IL31RA: variants seen among roughly 807,000 people sequenced by gnomAD.
The protein encoded by IL31RA is interleukin-31 receptor subunit alpha.
Under a neutral mutation model 83.7 loss-of-function variants are expected in IL31RA, and 66 were observed. The observed-to-expected ratio is 0.79, with a 90% CI of 0.65 to 0.97. The LOEUF is 0.97. IL31RA is among the 50% of genes least tolerant of loss of function. The pLI is 0.00. For synonymous variants in IL31RA, 325 were observed against 329.0 expected (o/e 0.99, Z 0.13); for missense variants, 798 against 919.4 (o/e 0.87, Z 1.71).
chr5:55,899,546 C>A (rs1748678046), intron 7 of IL31RA, among the ~76,000 whole-genome samples: 1 of 152,204 alleles, frequency 6.6e-6, no homozygotes. Flanking sequence ...TGACTCAGAG[C>A]CAGACCAGAC....
the IL31RA span, among the ~76,000 whole-genome samples, chr5:55,842,287 T>C: frequency 6.6e-6 from 1 of 152,198 alleles, no homozygotes; most frequent in South Asian, 2.1e-4. Flanking sequence ...TCGAGATCTT[T>C]ACCTTAATTA....
intron 5 of IL31RA, among the ~76,000 whole-genome samples, chr5:55,887,419 G>A (rs1003891374): frequency 2.0e-5 from 3 of 152,178 alleles, no homozygotes; most frequent in Non-Finnish European, 4.4e-5. Context: ...GAGCCTCTTA[G>A]AAAGGGATCT....
intron 2 of IL31RA, among the ~76,000 whole-genome samples, chr5:55,867,206 T>TGA (rs754987288): frequency 1.1e-5 from 1 of 92,334 alleles, no homozygotes; most frequent in South Asian, 3.6e-4. Context: ...TGTTTGTGTG[T>TGA]GTGCGCATGT....
chr5:55,885,144 A>G (rs1317289973), intron 5 of IL31RA, among the ~76,000 whole-genome samples: 1 of 152,180 alleles, frequency 6.6e-6, no homozygotes, highest in Non-Finnish European at 1.5e-5. Flanking sequence ...ATCATCATTC[A>G]GCCTACTTTT....
At chr5:55,908,741 G>A in intron 11 of IL31RA, 1 of 1,444,844 alleles carries the variant, frequency 6.9e-7, no homozygotes, top group South Asian at 1.5e-5. Flanking sequence ...GGCTTAAAGA[G>A]TGAGGAGGAA....
At chr5:55,846,638 A>C (rs1170684766), upstream of IL31RA, among the ~76,000 whole-genome samples, 1 of 152,006 alleles carries the variant, frequency 6.6e-6, no homozygotes, top group African/African-American at 2.4e-5. Context: ...CTCTACTAAA[A>C]ATACAAAAAT....
At position 55,914,776 on chromosome 5, in the gene IL31RA, T is replaced by C; in HGVS notation, c.1737-71T>C. On this transcript the variant is annotated intron_variant, in intron 13 of 14. Transcript: ENST00000652347. ...AATTCCCTTTAGCACAGCCTCACTC[T>C]TTTGACTCAGCCATATGGTGCTAAT... The C allele has an allele frequency of 2.7e-6, 3 of 1,111,638 alleles. No homozygotes were observed. The South Asian group carries it at 3.7e-5, about 14-fold the overall frequency. 68.9% of individuals were successfully genotyped at this position (1,111,638 alleles called of 1,614,324 possible). A position where few individuals can be genotyped will look rare whatever the true frequency, so the allele number is the denominator to read the frequency against.
At chr5:55,867,087 GTGTGTGTGTGTT>G (rs1301152644) in intron 2 of IL31RA, among the ~76,000 whole-genome samples, 6 of 84,334 alleles carry the variant, frequency 7.1e-5, no homozygotes, top group South Asian at 4.8e-4. Flanking sequence ...ATGTGTGTTT[GTGTGTGTGTGTT>G]TGTGTGTGTG....
At chr5:55,874,354 G>A (rs989304770) in intron 4 of IL31RA, among the ~76,000 whole-genome samples, 3 of 152,054 alleles carry the variant, frequency 2.0e-5, no homozygotes, top group African/African-American at 7.2e-5. Flanking sequence ...TCCTCCAACT[G>A]TGTTCTTTTT....
At chr5:55,870,635 C>A in intron 3 of IL31RA, among the ~76,000 whole-genome samples, 1 of 152,192 alleles carries the variant, frequency 6.6e-6, no homozygotes, top group East Asian at 1.9e-4. Flanking sequence ...AATCCCCAGG[C>A]CTATACCCAG....
chr5:55,905,946 G>A (rs886591400), intron 8 of IL31RA, among the ~76,000 whole-genome samples, 160 bp from the exon 9 acceptor site: 1 of 152,238 alleles, frequency 6.6e-6, no homozygotes, highest in Non-Finnish European at 1.5e-5. Context: ...GAAAAAGGAT[G>A]CAATAAGGGG....
intron 3 of IL31RA, among the ~76,000 whole-genome samples, chr5:55,870,407 G>A (rs1325615908): frequency 6.6e-6 from 1 of 152,104 alleles, no homozygotes; most frequent in Non-Finnish European, 1.5e-5. Flanking sequence ...CATGATAAAG[G>A]CCCAATAACC....
intron 5 of IL31RA, among the ~76,000 whole-genome samples, 163 bp downstream of exon 5, chr5:55,883,358 AC>A (rs1202455479): frequency 6.6e-6 from 1 of 152,152 alleles, no homozygotes; most frequent in East Asian, 1.9e-4. Context: ...TTCCATCTGG[AC>A]CTTTTAGATT....
rs148785939 is a variant in IL31RA, at chr5:55,872,429, A to T, written c.432A>T (p.Thr144=). The stretch of plus-strand genomic sequence containing the variant: ...ATGGTGTAATTAAATCTCATATGAC[A>T]TACTGGAGATTAGAGAACATAGGTA... The part of the protein sequence containing the change: ...NGDGVIKSHM[T]YWRLENIAKT... The change falls in exon 4 of 15, where the codon ACA becomes ACT. Residue 144 remains threonine (T), a synonymous_variant. Coordinates refer to ENST00000652347, the MANE Select transcript of IL31RA (RefSeq NM_139017.7). 81 of 1,604,524 alleles carry T rather than the reference A, an allele frequency of 5.0e-5. No individual in the cohort carries two copies. In the South Asian group the frequency reaches 8.4e-4, roughly 17 times the overall value.
chr5:55,905,989 T>C, intron 8 of IL31RA, 117 bp from the exon 9 acceptor site: 1 of 997,518 alleles, frequency 1.0e-6, no homozygotes, highest in Non-Finnish European at 1.6e-6. Context: ...GAGGCTGCAG[T>C]GGAGATCCTG....
At chr5:55,890,477 C>G (rs1201316014) in intron 6 of IL31RA, among the ~76,000 whole-genome samples, 1 of 152,210 alleles carries the variant, frequency 6.6e-6, no homozygotes, top group Non-Finnish European at 1.5e-5. Context: ...TCAAGCAATT[C>G]TTGTGCCTCA....
At position 55,868,902 on chromosome 5, in the gene IL31RA, G is replaced by C; in HGVS notation, c.266G>C (p.Arg89Thr). 6.6e-7 allele frequency: 1 copy of C among 1,504,170 alleles called. No individual in the cohort carries two copies. Among genetic ancestry groups the C allele is most frequent in the Non-Finnish European group, 9.3e-7 (1 of 1,080,246 alleles). The allele number at this position is 1,504,170 out of a possible 1,614,324, so 93.2% of individuals were successfully genotyped here. A position where few individuals can be genotyped will look rare whatever the true frequency, so the allele number is the denominator to read the frequency against. ...ETSYTQYTVKRTYAFGEKHDN... is the reference protein window; with the variant it reads ...ETSYTQYTVKTTYAFGEKHDN... ...AGTTATACCCAGTACACAGTTAAGA[G>C]AACTTAGTAAGTACAGGAGCTTGTG... The change falls in exon 3 of 15, where the codon AGA (arginine) becomes ACA (threonine). Residue 89 changes from arginine (R) to threonine (T), a missense_variant. Physicochemically the swap from Arg to Thr is moderately conservative, Grantham distance 71. Transcript: ENST00000652347.
Position 55,916,835 on chromosome 5 carries a change from G to T in IL31RA, c.2010G>T (p.Gly670=), listed in dbSNP as rs143146983. 4 of 1,614,212 alleles carry T rather than the reference G, an allele frequency of 2.5e-6. No individual in the cohort carries two copies. Among genetic ancestry groups the T allele is most frequent in the Non-Finnish European group, 3.4e-6 (4 of 1,180,046 alleles). The change falls in exon 15 of 15, where the codon GGG becomes GGT. Residue 670 remains glycine, a synonymous_variant. Coordinates refer to ENST00000652347, the MANE Select transcript of IL31RA (RefSeq NM_139017.7). Reference sequence around the variant, plus strand: ...ACAATTTAGGAGGGGAAAAGAATGGGTATGTGACCTGCCCCTTCAGGCCTG... The same window carrying T: ...ACAATTTAGGAGGGGAAAAGAATGGTTATGTGACCTGCCCCTTCAGGCCTG... ...QENNLGGEKN[G]YVTCPFRPDC...
chr5:55,848,369 A>G (rs1264432261), upstream of IL31RA, among the ~76,000 whole-genome samples: 4 of 152,318 alleles, frequency 2.6e-5, no homozygotes, highest in South Asian at 6.2e-4. Flanking sequence ...TCCAGTATAC[A>G]TTATTCACTT....
Sources: gnomAD v4.1 joint callset for allele counts (sites outside exome capture counted in the v4.1 genomes callset) on GRCh38, gnomAD v4.1.1 for gene constraint, MANE v1.5 for transcripts, NCBI Gene and HGNC (gene_info 2026-07-23, HGNC 2026-07-21) for gene names.